LTBP1: variants seen among roughly 807,000 people sequenced by gnomAD.
The protein encoded by LTBP1 is latent transforming growth factor beta binding protein 1.
A neutral mutation model predicts 207.6 loss-of-function variants in LTBP1; 129 were observed. The observed-to-expected ratio is 0.62, with a 90% CI of 0.54 to 0.72. LTBP1 has a LOEUF of 0.72. Ranked by LOEUF, LTBP1 falls within the 30% of genes least tolerant of loss-of-function variation. The pLI, the probability that LTBP1 is intolerant of heterozygous loss-of-function variation, is 0.00. For missense variants in LTBP1, 2,281 were observed against 2,217.2 expected (o/e 1.03, Z -0.58); for synonymous variants, 963 against 833.7 (o/e 1.16, Z -2.67).
At chr2:33,004,671 A>C (rs990218798) in intron 2 of LTBP1, among the ~76,000 whole-genome samples, 14 of 150,572 alleles carry the variant, frequency 9.3e-5, no homozygotes, top group Admixed American at 4.0e-4. Context: ...GCTACTCAGG[A>C]GGCTGAGGCA....
At chr2:33,240,815 T>C (rs1443544984) in intron 9 of LTBP1, among the ~76,000 whole-genome samples, 1 of 152,020 alleles carries the variant, frequency 6.6e-6, no homozygotes, top group Non-Finnish European at 1.5e-5. Context: ...CACGCCTGGC[T>C]AACTTTTTGT....
At chr2:33,250,215 T>C (rs1299548380) in intron 10 of LTBP1, among the ~76,000 whole-genome samples, 1 of 152,106 alleles carries the variant, frequency 6.6e-6, no homozygotes, top group Non-Finnish European at 1.5e-5. Flanking sequence ...ATAGGGGCAG[T>C]TTTAAATGGC....
intron 32 of LTBP1, among the ~76,000 whole-genome samples, chr2:33,390,825 A>G (rs2095308749): frequency 6.6e-6 from 1 of 151,996 alleles, no homozygotes; most frequent in African/African-American, 2.4e-5. Context: ...CTGCCGACCG[A>G]GGAGTTTGAC....
At chr2:33,112,447 A>C (rs1467311122) in intron 4 of LTBP1, among the ~76,000 whole-genome samples, 1 of 152,230 alleles carries the variant, frequency 6.6e-6, no homozygotes, top group East Asian at 1.9e-4. Context: ...TATTTTCTAC[A>C]TAGTAAGGAG....
chr2:33,276,575 G>A (rs1216401380), intron 18 of LTBP1, among the ~76,000 whole-genome samples: 3 of 152,248 alleles, frequency 2.0e-5, no homozygotes, highest in Non-Finnish European at 4.4e-5. Flanking sequence ...GTGAGGCCAG[G>A]CACGGTGGCT....
intron 3 of LTBP1, among the ~76,000 whole-genome samples, chr2:33,088,206 C>T (rs924646411): frequency 6.6e-6 from 1 of 152,206 alleles, no homozygotes; most frequent in African/African-American, 2.4e-5. Context: ...GTAATCCCAG[C>T]ACTTTGGGAG....
At chr2:33,120,476 A>G (rs754815279) in intron 4 of LTBP1, among the ~76,000 whole-genome samples, 6 of 152,200 alleles carry the variant, frequency 3.9e-5, no homozygotes, top group Non-Finnish European at 8.8e-5. Context: ...TGCTAAGGAT[A>G]ATAGCCTCCA....
intron 24 of LTBP1, among the ~76,000 whole-genome samples, chr2:33,316,695 A>G (rs952345357): frequency 5.9e-5 from 9 of 152,190 alleles, no homozygotes; most frequent in Non-Finnish European, 1.2e-4. Flanking sequence ...AGTTTTATGT[A>G]AATTTTATAT....
chr2:33,191,159 A>T (rs915186665), intron 7 of LTBP1, among the ~76,000 whole-genome samples: 3 of 152,218 alleles, frequency 2.0e-5, no homozygotes, highest in African/African-American at 7.2e-5. Context: ...AAGTTGGAAC[A>T]CAGATGATAA....
chr2:33,248,021 T>A (rs1014405688), intron 10 of LTBP1, among the ~76,000 whole-genome samples: 1 of 152,224 alleles, frequency 6.6e-6, no homozygotes, highest in African/African-American at 2.4e-5. Context: ...TGACATTTAG[T>A]CTTCATAATT....
At chr2:33,316,958 G>A (rs2094283181) in intron 24 of LTBP1, among the ~76,000 whole-genome samples, 1 of 152,090 alleles carries the variant, frequency 6.6e-6, no homozygotes, top group African/African-American at 2.4e-5. Flanking sequence ...GTTGTGCCAT[G>A]CAAAATTATA....
At chr2:33,166,550 G>A (rs1382582197) in intron 5 of LTBP1, among the ~76,000 whole-genome samples, 1 of 152,164 alleles carries the variant, frequency 6.6e-6, no homozygotes, top group Non-Finnish European at 1.5e-5. Flanking sequence ...GTGTACACAA[G>A]GATGTTTCAA....
chr2:33,260,243 G>A (rs751620723), intron 13 of LTBP1, among the ~76,000 whole-genome samples: 6 of 151,952 alleles, frequency 3.9e-5, no homozygotes, highest in African/African-American at 9.7e-5. Context: ...CTCTGAATCC[G>A]GCTTTCTTTC....
chr2:33,236,860 T>G (rs1291484212), intron 9 of LTBP1, among the ~76,000 whole-genome samples: 1 of 152,188 alleles, frequency 6.6e-6, no homozygotes, highest in Non-Finnish European at 1.5e-5. Context: ...TGTCAAGAAA[T>G]AAATACAAGC....
At chr2:33,123,144 TCA>T in intron 4 of LTBP1, among the ~76,000 whole-genome samples, 1 of 152,306 alleles carries the variant, frequency 6.6e-6, no homozygotes, top group East Asian at 1.9e-4. Context: ...GTCAGTTCCA[TCA>T]GTTCCCTGAG....
At chr2:33,198,803 G>A (rs950452186) in intron 7 of LTBP1, among the ~76,000 whole-genome samples, 18 of 151,946 alleles carry the variant, frequency 1.2e-4, no homozygotes, top group African/African-American at 4.3e-4. Context: ...TTCTTTATTA[G>A]TCTTGCTAGC....
intron 2 of LTBP1, among the ~76,000 whole-genome samples, chr2:32,984,718 C>T (rs1273765530): frequency 3.3e-5 from 5 of 151,132 alleles, no homozygotes; most frequent in African/African-American, 7.3e-5. Context: ...GTCAGGAGTT[C>T]GAGACCAGCC....
chr2:33,342,195 C>A (rs1001255949), intron 24 of LTBP1, among the ~76,000 whole-genome samples: 4 of 152,214 alleles, frequency 2.6e-5, no homozygotes, highest in African/African-American at 9.7e-5. Context: ...ACTCTCATCA[C>A]GTTTATGGAG....
intron 26 of LTBP1, 110 bp downstream of exon 26, chr2:33,347,620 C>A (rs1368117486): frequency 6.2e-5 from 80 of 1,288,028 alleles, no homozygotes; most frequent in Non-Finnish European, 8.3e-5. Context: ...GCCAGATGTC[C>A]TGACACAGTG....
Sources: gnomAD v4.1 joint callset for allele counts (sites outside exome capture counted in the v4.1 genomes callset) on GRCh38, gnomAD v4.1.1 for gene constraint, MANE v1.5 for transcripts, NCBI Gene and HGNC (gene_info 2026-07-23, HGNC 2026-07-21) for gene names.